The following PTPN2 variants were observed in gnomAD, a reference collection of about 807,000 sequenced individuals.
The protein encoded by PTPN2 is protein tyrosine phosphatase non-receptor type 2, also known as tyrosine-protein phosphatase non-receptor type 2.
Under a neutral mutation model 57.3 loss-of-function variants are expected in PTPN2, and 19 were observed. The ratio of observed to expected loss-of-function variants is 0.33; its 90% CI spans 0.23 to 0.49. The LOEUF is 0.49. Ranked by LOEUF, PTPN2 falls within the 20% of genes least tolerant of loss-of-function variation. PTPN2 has a pLI of 0.99. For missense variants in PTPN2, 358 were observed against 501.1 expected (o/e 0.71, Z 2.73); for synonymous variants, 153 against 164.9 (o/e 0.93, Z 0.55).
At position 12,825,878 on chromosome 18, in the gene PTPN2, C is replaced by T; in HGVS notation, c.427G>A (p.Val143Met). Residue 143 changes from valine to methionine, a missense_variant, in exon 5 of 9, where the codon GTG becomes ATG. Transcript: ENST00000309660. ...EMLFKETGFSVKLLSEDVKSY... is the reference protein window; with the variant it reads ...EMLFKETGFSMKLLSEDVKSY... ...TTCACATCTTCTGACAAGAGCTTCA[C>T]ACTGAATCCTGTTTCTTTAAACAGC... The T allele has an allele frequency of 6.2e-7, 1 of 1,610,794 alleles. No homozygotes were observed. The highest frequency in any genetic ancestry group is 8.5e-7 in the Non-Finnish European group (1 of 1,177,870).
Position 12,802,010 on chromosome 18 carries a change from A to G in PTPN2, c.1000T>C (p.Ser334Pro). Residue 334 changes from serine to proline, a missense_variant, in exon 8 of 9, where the codon TCC becomes CCC. This residue lies in a region of PTPN2 where 96 missense variants were observed against 110.8 expected (regional missense o/e 0.87). Transcript: ENST00000309660. ...TCCATTGTATCTTGCATTTTAGAGG[A>G]AAGTCCTGTACATCGGTCACCTGTC... ...KLTGDRCTGL[S>P]SKMQDTMEEN... 6.2e-7 allele frequency: 1 copy of G among 1,610,484 alleles called. No homozygotes were observed. Among genetic ancestry groups the G allele is most frequent in the Non-Finnish European group, 8.5e-7 (1 of 1,178,932 alleles).
At chr18:12,860,718 C>T (rs952608316) in intron 1 of PTPN2, among the ~76,000 whole-genome samples, 4 of 152,094 alleles carry the variant, frequency 2.6e-5, no homozygotes, top group African/African-American at 9.7e-5. Flanking sequence ...GCTGAGATTG[C>T]GCCACTGCAA....
chr18:12,852,259 G>T (rs193248263), intron 2 of PTPN2, among the ~76,000 whole-genome samples: 233 of 149,534 alleles, frequency 1.6e-3, no homozygotes, highest in African/African-American at 5.5e-3. Flanking sequence ...GAAAAGACAT[G>T]ACAGTTGACT....
chr18:12,799,214 C>T (rs371213250), intron 8 of PTPN2, among the ~76,000 whole-genome samples: 1 of 151,922 alleles, frequency 6.6e-6, no homozygotes, highest in Non-Finnish European at 1.5e-5. Flanking sequence ...GTCAGGAGTT[C>T]GAGACCAGCC....
rs76227770 is a variant in PTPN2 at position 12,867,806 on chromosome 18, T to C, written c.70-8552A>G. On this transcript the variant is annotated intron_variant, in intron 1 of 8. Coordinates refer to ENST00000309660, the MANE Select transcript of PTPN2 (RefSeq NM_002828.4). ...GGTACTGAACATTCTATTTTAACAA[T>C]TGTGTGTTATAACTTTAAAAACTCT... 5.1e-3 allele frequency among the ~76,000 whole-genome samples: 781 copies of C among 152,238 alleles called. 6 individuals carry two copies. The highest frequency in any genetic ancestry group is 0.017 in the African/African-American group (707 of 41,476).
At chr18:12,861,039 C>A (rs534974736) in intron 1 of PTPN2, among the ~76,000 whole-genome samples, 2 of 152,168 alleles carry the variant, frequency 1.3e-5, no homozygotes, top group Non-Finnish European at 2.9e-5. Context: ...TAGGGTCTCA[C>A]TTTTTGCCCA....
intron 5 of PTPN2, among the ~76,000 whole-genome samples, chr18:12,822,534 A>G (rs1227762848): frequency 1.3e-5 from 2 of 152,144 alleles, no homozygotes; most frequent in African/African-American, 4.8e-5. Flanking sequence ...TAAGTCACTA[A>G]AGGGCTCCTG....
intron 2 of PTPN2, among the ~76,000 whole-genome samples, chr18:12,838,265 C>A (rs1245116341): frequency 6.6e-6 from 1 of 152,118 alleles, no homozygotes; most frequent in Non-Finnish European, 1.5e-5. Flanking sequence ...CTGAAAACAG[C>A]CATTTAGCTA....
At position 12,793,895 on chromosome 18, in the gene PTPN2, A is replaced by G; in HGVS notation, c.*383T>C. On this transcript the variant is annotated 3_prime_UTR_variant, in exon 9 of 9. Coordinates refer to ENST00000309660, the MANE Select transcript of PTPN2 (RefSeq NM_002828.4). ...TTTTCTTTCCAATAACGTAGATAAA[A>G]CCACAATATTTATTGCTTATATCAA... The G allele has an allele frequency of 9.4e-7, 1 of 1,065,558 alleles. No homozygotes were observed. The highest frequency in any genetic ancestry group is 1.1e-6 in the Non-Finnish European group (1 of 879,214). 66.0% of individuals were successfully genotyped at this position (1,065,558 alleles called of 1,614,324 possible). A position where few individuals can be genotyped will look rare whatever the true frequency, so the allele number is the denominator to read the frequency against.
intron 2 of PTPN2, among the ~76,000 whole-genome samples, chr18:12,847,570 T>G (rs1274983027): frequency 6.6e-6 from 1 of 152,120 alleles, no homozygotes; most frequent in Non-Finnish European, 1.5e-5. Context: ...AGGAATAAAT[T>G]ATTAACATCA....
chr18:12,868,564 T>C (rs2044075588), intron 1 of PTPN2, among the ~76,000 whole-genome samples: 1 of 149,496 alleles, frequency 6.7e-6, no homozygotes, highest in Admixed American at 6.6e-5. Flanking sequence ...TTGTCATAGT[T>C]TTCTACTGCC....
chr18:12,794,853 C>T (rs1598729000), intron 8 of PTPN2, among the ~76,000 whole-genome samples: 1 of 152,122 alleles, frequency 6.6e-6, no homozygotes, highest in African/African-American at 2.4e-5. Flanking sequence ...GAACTCCTGA[C>T]CTCAAGCAAT....
chr18:12,790,598 G>GA (rs1450453721), downstream of PTPN2, among the ~76,000 whole-genome samples: 1 of 152,156 alleles, frequency 6.6e-6, no homozygotes, highest in Non-Finnish European at 1.5e-5. Flanking sequence ...AATACGTAAA[G>GA]AAAAAATACA....
chr18:12,872,959 G>A (rs988804446), intron 1 of PTPN2, among the ~76,000 whole-genome samples: 4 of 152,140 alleles, frequency 2.6e-5, no homozygotes, highest in African/African-American at 9.7e-5. Flanking sequence ...GGTGGCTCAC[G>A]CCTGTAATCC....
chr18:12,874,654 C>T (rs1397630143), intron 1 of PTPN2, among the ~76,000 whole-genome samples: 36 of 145,588 alleles, frequency 2.5e-4, no homozygotes, highest in Non-Finnish European at 4.6e-4. Flanking sequence ...GCCCCCCGCC[C>T]GGCCAGCCGC....
chr18:12,795,837 A>G (rs2041158242), intron 8 of PTPN2, among the ~76,000 whole-genome samples: 1 of 152,102 alleles, frequency 6.6e-6, no homozygotes, highest in African/African-American at 2.4e-5. Context: ...TTTCTGTATT[A>G]CAGCAAAGGC....
intron 5 of PTPN2, among the ~76,000 whole-genome samples, chr18:12,819,584 T>C (rs903971532): frequency 6.6e-6 from 1 of 151,748 alleles, no homozygotes; most frequent in Non-Finnish European, 1.5e-5. Flanking sequence ...AGTGGTTACA[T>C]GACTGAATGC....
intron 9 of PTPN2, chr18:12,786,211 C>T (rs980535075): frequency 3.4e-6 from 1 of 289,970 alleles, no homozygotes; most frequent in Non-Finnish European, 6.4e-6. Flanking sequence ...TTTAGCAAGA[C>T]TTTATACTAT....
chr18:12,846,636 G>A (rs1046322394), intron 2 of PTPN2, among the ~76,000 whole-genome samples: 1 of 152,282 alleles, frequency 6.6e-6, no homozygotes, highest in South Asian at 2.1e-4. Context: ...TCGCAGACGT[G>A]GAACCAGCCA....
Sources: gnomAD v4.1 joint callset for allele counts (sites outside exome capture counted in the v4.1 genomes callset) on GRCh38, gnomAD v4.1.1 for gene constraint, gnomAD v4.1.1 regional missense constraint, MANE v1.5 for transcripts, NCBI Gene and HGNC (gene_info 2026-07-23, HGNC 2026-07-21) for gene names.